HS3ST5: variants seen among roughly 807,000 people sequenced by gnomAD.
HS3ST5 encodes the protein heparan sulfate glucosamine 3-O-sulfotransferase 5.
Under a neutral mutation model 25.4 loss-of-function variants are expected in HS3ST5, and 10 were observed. The observed-to-expected ratio is 0.39, with a 90% CI of 0.24 to 0.67. The LOEUF is 0.67. Among genes scored for constraint, HS3ST5 ranks in the 30% least tolerant of loss-of-function variants. The pLI, the probability that HS3ST5 is intolerant of heterozygous loss-of-function variation, is 0.44. For missense variants in HS3ST5, 324 were observed against 420.7 expected (o/e 0.77, Z 2.01); for synonymous variants, 170 against 162.4 (o/e 1.05, Z -0.36).
intron 3 of HS3ST5, among the ~76,000 whole-genome samples, chr6:114,136,240 G>A (rs113543729): frequency 5.1e-4 from 78 of 152,262 alleles, no homozygotes; most frequent in African/African-American, 1.8e-3. Flanking sequence ...GTCATGGGAC[G>A]GACCCAGTGG....
intron 1 of HS3ST5, among the ~76,000 whole-genome samples, chr6:114,334,713 G>A (rs1362736917): frequency 2.0e-5 from 3 of 152,064 alleles, no homozygotes; most frequent in Non-Finnish European, 4.4e-5. Flanking sequence ...ATACCATCCA[G>A]GTTTGTATAA....
At chr6:114,324,540 G>C (rs61094271) in intron 1 of HS3ST5, among the ~76,000 whole-genome samples, 9,631 of 152,210 alleles carry the variant, frequency 0.063, 549 homozygotes, top group African/African-American at 0.15. Context: ...ATTATATAGG[G>C]TGGGATGTAT....
chr6:114,099,170 T>C (rs1775600656), intron 3 of HS3ST5, among the ~76,000 whole-genome samples: 1 of 152,004 alleles, frequency 6.6e-6, no homozygotes, highest in South Asian at 2.1e-4. Flanking sequence ...AGGAATACAC[T>C]AGAGGGTCAG....
chr6:114,317,937 A>C (rs1465892740), intron 1 of HS3ST5, among the ~76,000 whole-genome samples: 1 of 152,124 alleles, frequency 6.6e-6, no homozygotes, highest in Non-Finnish European at 1.5e-5. Flanking sequence ...GTCCTCCTTA[A>C]CATCACTGTT....
intron 3 of HS3ST5, among the ~76,000 whole-genome samples, chr6:114,100,721 T>C (rs1381446999): frequency 6.6e-6 from 1 of 152,182 alleles, no homozygotes; most frequent in Admixed American, 6.5e-5. Context: ...GTGAAAGCAT[T>C]TGAAGAAGGT....
At chr6:114,090,586 G>A (rs1250963928) in intron 3 of HS3ST5, among the ~76,000 whole-genome samples, 2 of 152,188 alleles carry the variant, frequency 1.3e-5, no homozygotes, top group African/African-American at 4.8e-5. Context: ...CAGCTTTTCA[G>A]TTTTAGGAAG....
intron 1 of HS3ST5, among the ~76,000 whole-genome samples, chr6:114,309,038 A>C (rs538479113): frequency 6.6e-6 from 1 of 152,300 alleles, no homozygotes; most frequent in African/African-American, 2.4e-5. Flanking sequence ...TGAACATCAT[A>C]CTCATCTGGG....
chr6:114,242,096 A>G (rs781340513), intron 1 of HS3ST5, among the ~76,000 whole-genome samples: 26 of 152,168 alleles, frequency 1.7e-4, no homozygotes, highest in Non-Finnish European at 3.2e-4. Flanking sequence ...CACTAATACA[A>G]TAGTTACTAG....
intron 3 of HS3ST5, among the ~76,000 whole-genome samples, chr6:114,074,522 G>T (rs1774006964): frequency 6.6e-6 from 1 of 151,910 alleles, no homozygotes. Context: ...AAAAGAAGGG[G>T]GCCTACCCCT....
chr6:114,191,708 G>C (rs556772082), intron 2 of HS3ST5, among the ~76,000 whole-genome samples: 3 of 152,240 alleles, frequency 2.0e-5, no homozygotes, highest in African/African-American at 4.8e-5. Context: ...ACTCTGGGCT[G>C]TGTGTGGAGG....
intron 1 of HS3ST5, among the ~76,000 whole-genome samples, chr6:114,255,965 C>T (rs1772890228): frequency 1.3e-5 from 2 of 152,214 alleles, no homozygotes; most frequent in Non-Finnish European, 2.9e-5. Context: ...CAAATTTATG[C>T]AGCTGGCTTA....
intron 2 of HS3ST5, among the ~76,000 whole-genome samples, chr6:114,186,219 G>A (rs1460102832): frequency 6.6e-6 from 1 of 152,008 alleles, no homozygotes; most frequent in Non-Finnish European, 1.5e-5. Flanking sequence ...AGCTAAAAAT[G>A]ATTAAACTTA....
intron 3 of HS3ST5, among the ~76,000 whole-genome samples, chr6:114,155,757 C>T (rs945392350): frequency 6.6e-5 from 10 of 152,166 alleles, no homozygotes; most frequent in African/African-American, 1.9e-4. Context: ...TAAACACAAA[C>T]GTCACGTACT....
intron 1 of HS3ST5, among the ~76,000 whole-genome samples, chr6:114,276,901 G>C (rs1447855770): frequency 6.6e-6 from 1 of 151,896 alleles, no homozygotes; most frequent in Non-Finnish European, 1.5e-5. Context: ...ATAATGGAAC[G>C]ATGGTCAGCA....
intron 1 of HS3ST5, among the ~76,000 whole-genome samples, chr6:114,339,926 A>G (rs551170686): frequency 6.6e-6 from 1 of 152,358 alleles, no homozygotes; most frequent in South Asian, 2.1e-4. Flanking sequence ...CCACTGCTCT[A>G]CAGTTCTATT....
At chr6:114,214,207 A>T (rs1000985105) in intron 2 of HS3ST5, among the ~76,000 whole-genome samples, 1 of 152,256 alleles carries the variant, frequency 6.6e-6, no homozygotes. Context: ...GTAGACTTAC[A>T]GACAAGTTGC....
chr6:114,082,058 T>A (rs1774481758), intron 3 of HS3ST5, among the ~76,000 whole-genome samples: 1 of 152,234 alleles, frequency 6.6e-6, no homozygotes, highest in Non-Finnish European at 1.5e-5. Flanking sequence ...CTAATCTAAT[T>A]TCTGTCGCAC....
At chr6:114,185,353 C>G (rs955556367) in intron 2 of HS3ST5, among the ~76,000 whole-genome samples, 2 of 152,122 alleles carry the variant, frequency 1.3e-5, no homozygotes, top group Non-Finnish European at 2.9e-5. Context: ...CTTTCTCTCC[C>G]TCCTTCTGCC....
chr6:114,066,706 C>T (rs565676006), intron 3 of HS3ST5, among the ~76,000 whole-genome samples: 1 of 152,208 alleles, frequency 6.6e-6, no homozygotes, highest in Admixed American at 6.5e-5. Flanking sequence ...TTTTCTACCA[C>T]CTTTTGTATC....
Sources: allele counts gnomAD v4.1 joint callset (sites outside exome capture counted in the v4.1 genomes callset), GRCh38; gene constraint gnomAD v4.1.1; transcripts MANE v1.5; gene names NCBI Gene and HGNC (gene_info 2026-07-23, HGNC 2026-07-21).